WSCD1: variants seen among roughly 807,000 people sequenced by gnomAD.
WSCD1 encodes the protein WSC domain sialate O sulfotransferase 1.
WSCD1 carries 41 observed loss-of-function variants against 60.4 expected under a neutral mutation model. The ratio of observed to expected loss-of-function variants is 0.68; its 90% CI spans 0.53 to 0.88. WSCD1 has a LOEUF of 0.88. WSCD1 is among the 40% of genes least tolerant of loss of function. The pLI is 0.00. For missense variants in WSCD1, 784 were observed against 796.2 expected (o/e 0.98, Z 0.18); for synonymous variants, 361 against 332.5 (o/e 1.09, Z -0.93).
chr17:6,075,933 G>A lies in WSCD1; in HGVS notation c.-288-4438G>A, dbSNP rs1299947876. Among the ~76,000 whole-genome samples the A allele has an allele frequency of 6.6e-5, 10 of 152,152 alleles. No homozygotes were observed. The highest frequency in any genetic ancestry group is 5.9e-4 in the Admixed American group (9 of 15,274). On this transcript the variant is annotated intron_variant, in intron 1 of 8. Coordinates refer to ENST00000317744, the MANE Select transcript of WSCD1 (RefSeq NM_015253.2). The surrounding 1 kb of genome is among the most constrained non-coding windows in gnomAD (Gnocchi z 4.1). ...GTGGGCTGGGGCGGGAACACTCACGGACAAGGCACTGTCTGGAAGGCTTGG... is the reference window on the plus strand; with the variant it reads ...GTGGGCTGGGGCGGGAACACTCACGAACAAGGCACTGTCTGGAAGGCTTGG...
chr17:6,095,892 T>G (rs1910391528), intron 5 of WSCD1, among the ~76,000 whole-genome samples: 1 of 152,156 alleles, frequency 6.6e-6, no homozygotes, highest in African/African-American at 2.4e-5. Flanking sequence ...GGGTGGATGC[T>G]GTGGCTCTAG....
In WSCD1 at chr17:6,109,749, A is replaced by G. The variant is rs752496596; in HGVS notation, c.992A>G (p.Tyr331Cys). ...AQRLAEYCEV[Y>C]QTPVQDTRCT... is the part of the protein sequence containing the mutation. ...AGGCTGGCAGAATACTGTGAGGTCT[A>G]CCAGACACCTGTGCAAGGTGGGTTC... Residue 331 changes from tyrosine (Y) to cysteine (C), a missense_variant, in exon 6 of 9, where the codon TAC (tyrosine) becomes TGC (cysteine). Physicochemically the swap from Tyr to Cys is radical, Grantham distance 194. Coordinates refer to ENST00000317744, the MANE Select transcript of WSCD1 (RefSeq NM_015253.2). The G allele has an allele frequency of 6.2e-7, 1 of 1,613,478 alleles. No individual in the cohort carries two copies. Among genetic ancestry groups the G allele is most frequent in the Non-Finnish European group, 8.5e-7 (1 of 1,179,498 alleles).
At position 6,109,632 on chromosome 17, in the gene WSCD1, G is replaced by A; in HGVS notation, c.875G>A (p.Gly292Asp). 1 of 1,614,018 alleles carries A rather than the reference G, an allele frequency of 6.2e-7. No homozygotes were observed. Among genetic ancestry groups the A allele is most frequent in the Non-Finnish European group, 8.5e-7 (1 of 1,179,938 alleles). The change falls in exon 6 of 9, where the codon GGC becomes GAC. Residue 292 changes from glycine (G) to aspartate (D), a missense_variant. Gly to Asp is a moderately conservative substitution (Grantham distance 94, BLOSUM62 -1). Transcript: ENST00000317744. The stretch of plus-strand genomic sequence containing the variant: ...GAGTTCCCCTTGGCCATTCTCAGGG[G>A]CTGGGAATGCTACTGTGCTTACCCT... ...QKEFPLAILRGWECYCAYPTP... is the reference protein window; with the variant it reads ...QKEFPLAILRDWECYCAYPTP...
rs746948133 is a variant in WSCD1 at position 6,120,438 on chromosome 17, G to A, written c.1505G>A (p.Arg502Gln). Residue 502 changes from arginine to glutamine, a missense_variant, in exon 9 of 9, where the codon CGG becomes CAG. Arg to Gln is a conservative substitution (Grantham distance 43). Coordinates refer to ENST00000317744, the MANE Select transcript of WSCD1 (RefSeq NM_015253.2). ...ELRRSLVPTL[R>Q]EMVAFLNVSV... ...CGGCGCAGCCTGGTGCCCACGTTAC[G>A]GGAGATGGTGGCCTTCCTCAACGTG... 6.7e-5 allele frequency: 108 copies of A among 1,613,920 alleles called. No homozygotes were observed. The highest frequency in any genetic ancestry group is 8.4e-5 in the Non-Finnish European group (99 of 1,179,980).
chr17:6,077,830 CAGTTA>C (rs1041708387), intron 1 of WSCD1: 1 of 152,250 alleles, frequency 6.6e-6, no homozygotes, highest in Non-Finnish European at 1.5e-5. Context: ...CTCTTCCCTT[CAGTTA>C]TACAGGATTA....
At chr17:6,117,877 TG>T in intron 7 of WSCD1, 110 bp from the exon 8 acceptor site, 1 of 1,099,316 alleles carries the variant, frequency 9.1e-7, no homozygotes, top group Non-Finnish European at 1.3e-6. Flanking sequence ...GTGTCTTCCA[TG>T]GGCCCTCTCT....
intron 7 of WSCD1, among the ~76,000 whole-genome samples, chr17:6,113,511 G>A (rs149800639): frequency 1.3e-5 from 2 of 152,250 alleles, no homozygotes; most frequent in East Asian, 3.9e-4. Flanking sequence ...TTATGTCAAA[G>A]TGAAAAACTT....
intron 2 of WSCD1, among the ~76,000 whole-genome samples, chr17:6,082,514 C>T (rs536709967): frequency 6.6e-5 from 10 of 152,122 alleles, no homozygotes; most frequent in Non-Finnish European, 1.0e-4. Flanking sequence ...AGTCTGGCTC[C>T]GGGTTGGAGC....
chr17:6,084,994 A>T (rs1909535902), intron 2 of WSCD1: 1 of 152,182 alleles, frequency 6.6e-6, no homozygotes, highest in Non-Finnish European at 1.5e-5. Flanking sequence ...GCTCCATCAA[A>T]TGGCCAGCTG....
intron 7 of WSCD1, among the ~76,000 whole-genome samples, chr17:6,111,520 G>C (rs914277830): frequency 4.6e-5 from 7 of 152,170 alleles, no homozygotes; most frequent in African/African-American, 1.7e-4. Flanking sequence ...GACCAATATG[G>C]TGAAACCTCA....
At chr17:6,070,821 G>T (rs1189856512) in intron 1 of WSCD1, among the ~76,000 whole-genome samples, 169 bp downstream of exon 1, 2 of 151,250 alleles carry the variant, frequency 1.3e-5, no homozygotes, top group Non-Finnish European at 3.0e-5. Context: ...CCGGGGGCCC[G>T]GGGCGGCTCG....
At chr17:6,096,872 C>A (rs866330628) in intron 5 of WSCD1, among the ~76,000 whole-genome samples, 1 of 152,234 alleles carries the variant, frequency 6.6e-6, no homozygotes, top group African/African-American at 2.4e-5. Flanking sequence ...TGGAGGCAGG[C>A]CTGCCTTGAG....
At chr17:6,091,047 C>T (rs1194408875) in intron 4 of WSCD1, among the ~76,000 whole-genome samples, 2 of 152,100 alleles carry the variant, frequency 1.3e-5, no homozygotes, top group Admixed American at 6.5e-5. Flanking sequence ...CCTGCCACCA[C>T]ACCCGGCTAA....
intron 7 of WSCD1, 145 bp downstream of exon 7, chr17:6,111,080 GCCATACTCAC>G (rs147778873): frequency 0.92 from 871,429 of 949,046 alleles, 401,950 homozygotes; most frequent in Non-Finnish European, 0.94. Context: ...GCCACTGTGT[GCCATACTCAC>G]CCTTCAGGTA....
chr17:6,083,390 C>G (rs777908689), intron 2 of WSCD1, among the ~76,000 whole-genome samples: 1 of 152,214 alleles, frequency 6.6e-6, no homozygotes. Flanking sequence ...GTGATAGAGT[C>G]AGATATGCAC....
At position 6,090,495 on chromosome 17, in the gene WSCD1, C is replaced by G. The variant is rs1236689812; in HGVS notation, c.717C>G (p.Gly239=). ...ACCGTGTGGACGAGCTGCAGCCGGGCTCCAGGAAGCGTGAGTGTGCCAGCC... is the reference window on the plus strand; with the variant it reads ...ACCGTGTGGACGAGCTGCAGCCGGGGTCCAGGAAGCGTGAGTGTGCCAGCC... ...SVYRVDELQP[G]SRKRRTATYR... The change falls in exon 4 of 9, where the codon GGC becomes GGG. Residue 239 remains glycine, a synonymous_variant. Coordinates refer to ENST00000317744, the MANE Select transcript of WSCD1 (RefSeq NM_015253.2). The G allele has an allele frequency of 5.6e-6, 9 of 1,612,656 alleles. No homozygotes were observed. Among genetic ancestry groups the G allele is most frequent in the Non-Finnish European group, 7.6e-6 (9 of 1,179,456 alleles).
chr17:6,109,760 G>A lies in WSCD1; in HGVS notation c.1003G>A (p.Val335Met), dbSNP rs777420810. ...AEYCEVYQTPVQDTRCTDRRF... is the reference protein window; with the variant it reads ...AEYCEVYQTPMQDTRCTDRRF... The stretch of plus-strand genomic sequence containing the variant: ...ATACTGTGAGGTCTACCAGACACCT[G>A]TGCAAGGTGGGTTCTGCATCCCCGA... The change falls in exon 6 of 9, where the codon GTG becomes ATG. Residue 335 changes from valine (V) to methionine (M), a missense_variant. Transcript: ENST00000317744. The A allele has an allele frequency of 3.1e-6, 5 of 1,611,058 alleles. No individual in the cohort carries two copies. The highest frequency in any genetic ancestry group is 3.4e-6 in the Non-Finnish European group (4 of 1,177,608).
chr17:6,120,534 G>C lies in WSCD1; in HGVS notation c.1601G>C (p.Arg534Pro). 2.5e-6 allele frequency: 4 copies of C among 1,613,714 alleles called. No individual in the cohort carries two copies. The highest frequency in any genetic ancestry group is 3.4e-6 in the Non-Finnish European group (4 of 1,180,004). Residue 534 changes from arginine to proline, a missense_variant, in exon 9 of 9, where the codon CGC (arginine) becomes CCC (proline). Physicochemically the swap from Arg to Pro is moderately radical, Grantham distance 103 (BLOSUM62 -2). Transcript: ENST00000317744. ...GGCAGCTTCCGGCGGCGCGGCCGGCGCTCCCACGACCCTGAGCCCTTCACC... is the reference window on the plus strand; with the variant it reads ...GGCAGCTTCCGGCGGCGCGGCCGGCCCTCCCACGACCCTGAGCCCTTCACC... ...KEGSFRRRGR[R>P]SHDPEPFTPE...
chr17:6,118,351 G>T lies in WSCD1; in HGVS notation c.1375+163G>T, dbSNP rs115922474. 9.0e-3 allele frequency among the ~76,000 whole-genome samples: 1,375 copies of T among 152,270 alleles called. 17 individuals carry two copies. Among genetic ancestry groups the T allele is most frequent in the African/African-American group, 0.031 (1,304 of 41,528 alleles). ...CCTGCTAGGGACTTAGTGCTGCTGT[G>T]CCTGGGCTTGAGTTCACCTCCTCCC... On this transcript the variant is annotated intron_variant, in intron 8 of 8. Coordinates refer to ENST00000317744, the MANE Select transcript of WSCD1 (RefSeq NM_015253.2). This position sits in a 1 kb window ranked among gnomAD's most constrained non-coding sequence, Gnocchi z 5.8.
Sources: allele counts gnomAD v4.1 joint callset (sites outside exome capture counted in the v4.1 genomes callset), GRCh38; gene constraint gnomAD v4.1.1; non-coding constraint Gnocchi (gnomAD v3.1); transcripts MANE v1.5; gene names NCBI Gene and HGNC (gene_info 2026-07-23, HGNC 2026-07-21).